The following PRIM2 variants were observed in gnomAD, a reference collection of about 807,000 sequenced individuals.
The protein encoded by PRIM2 is DNA primase large subunit.
Under a neutral mutation model 67.3 loss-of-function variants are expected in PRIM2, and 39 were observed. The observed-to-expected ratio is 0.58, with a 90% CI of 0.45 to 0.76. The LOEUF (loss-of-function observed/expected upper bound fraction) is 0.76. PRIM2 is among the 30% of genes least tolerant of loss of function. The pLI, the probability that PRIM2 is intolerant of heterozygous loss-of-function variation, is 0.00. For missense variants in PRIM2, 398 were observed against 598.7 expected (o/e 0.66, Z 3.50); for synonymous variants, 143 against 198.7 (o/e 0.72, Z 2.36).
chr6:57,262,782 C>G, the PRIM2 span, among the ~76,000 whole-genome samples: 3 of 152,150 alleles, frequency 2.0e-5, no homozygotes, highest in Non-Finnish European at 4.4e-5. Context: ...CACATGTAAA[C>G]AAAACAACTC....
chr6:57,279,845 G>A, the PRIM2 span, among the ~76,000 whole-genome samples: 5 of 152,180 alleles, frequency 3.3e-5, no homozygotes, highest in Admixed American at 1.3e-4. Flanking sequence ...AGAGGAGGCA[G>A]GGAAGTCCTG....
At chr6:57,540,331 C>T (rs1257419538) in intron 10 of PRIM2, among the ~76,000 whole-genome samples, 3 of 151,936 alleles carry the variant, frequency 2.0e-5, no homozygotes, top group African/African-American at 7.3e-5. Flanking sequence ...TGGAAGTTGA[C>T]AAGTCTCAAG....
At chr6:57,362,472 T>A (rs1483892620) in intron 5 of PRIM2, among the ~76,000 whole-genome samples, 2 of 151,906 alleles carry the variant, frequency 1.3e-5, no homozygotes, top group Non-Finnish European at 2.9e-5. Flanking sequence ...AAAGCCATAT[T>A]TTTTTTTGTA....
intron 13 of PRIM2, among the ~76,000 whole-genome samples, chr6:57,634,602 C>G (rs1296800656): frequency 6.6e-6 from 1 of 152,240 alleles, no homozygotes; most frequent in Non-Finnish European, 1.5e-5. Flanking sequence ...ATTAAGAGGC[C>G]TCAGAATTTT....
chr6:57,379,023 G>GTT (rs1769868538), intron 5 of PRIM2, among the ~76,000 whole-genome samples: 1 of 129,660 alleles, frequency 7.7e-6, no homozygotes, highest in Non-Finnish European at 1.6e-5. Context: ...AAATAAAATA[G>GTT]TTACAATCTG....
chr6:57,267,450 T>C, the PRIM2 span, among the ~76,000 whole-genome samples: 2 of 152,094 alleles, frequency 1.3e-5, no homozygotes, highest in Non-Finnish European at 2.9e-5. Context: ...GGCATCTCTT[T>C]GAGAGGCTGC....
the PRIM2 span, among the ~76,000 whole-genome samples, chr6:57,232,329 G>A: frequency 6.6e-6 from 1 of 152,194 alleles, no homozygotes; most frequent in Non-Finnish European, 1.5e-5. Flanking sequence ...GAAGCAGGCG[G>A]ATCATGAGGT....
chr6:57,330,361 G>GTTTTTTTTTTTTTTTTTTTTTTTTT (rs59599812), intron 5 of PRIM2, among the ~76,000 whole-genome samples: 1 of 110,398 alleles, frequency 9.1e-6, no homozygotes, highest in Non-Finnish European at 1.8e-5. Flanking sequence ...TTTTTTTTTT[G>GTTTTTTTTTTTTTTTTTTTTTTTTT]TTTTTGTTTT....
the PRIM2 span, among the ~76,000 whole-genome samples, chr6:57,247,259 A>G: frequency 6.6e-6 from 1 of 152,266 alleles, no homozygotes. Flanking sequence ...CTTCATTGCC[A>G]TAACATCTAG....
intron 10 of PRIM2, among the ~76,000 whole-genome samples, chr6:57,590,717 T>C (rs1368606361): frequency 6.6e-6 from 1 of 152,124 alleles, no homozygotes; most frequent in Non-Finnish European, 1.5e-5. Flanking sequence ...TAAAGAGGAA[T>C]ACAGAAATCC....
At chr6:57,320,153 T>G (rs1375958631) in intron 2 of PRIM2, among the ~76,000 whole-genome samples, 1 of 152,182 alleles carries the variant, frequency 6.6e-6, no homozygotes, top group African/African-American at 2.4e-5. Context: ...GTGCCTAGTT[T>G]TTTTTTCCAT....
the PRIM2 span, among the ~76,000 whole-genome samples, chr6:57,305,390 AG>A: frequency 6.6e-6 from 1 of 152,230 alleles, no homozygotes; most frequent in Admixed American, 6.5e-5. Context: ...GGTCTATGTC[AG>A]GGACTATGGT....
At chr6:57,380,952 C>G (rs1769940414) in intron 6 of PRIM2, among the ~76,000 whole-genome samples, 1 of 150,480 alleles carries the variant, frequency 6.6e-6, no homozygotes, top group African/African-American at 2.5e-5. Context: ...GATCTGGCTG[C>G]TGAGATTTAG....
intron 7 of PRIM2, among the ~76,000 whole-genome samples, chr6:57,486,584 A>G (rs1773757432): frequency 6.6e-6 from 1 of 152,222 alleles, no homozygotes; most frequent in South Asian, 2.1e-4. Context: ...GGGCGGATTG[A>G]ACTTCATGAG....
At chr6:57,458,619 A>G (rs1772889906) in intron 7 of PRIM2, among the ~76,000 whole-genome samples, 1 of 152,206 alleles carries the variant, frequency 6.6e-6, no homozygotes. Context: ...GGGGAGGCAG[A>G]AGTTGCAGTG....
chr6:57,589,745 G>T (rs1776254846), intron 10 of PRIM2, among the ~76,000 whole-genome samples: 1 of 152,158 alleles, frequency 6.6e-6, no homozygotes, highest in African/African-American at 2.4e-5. Context: ...CTTTGCCAGT[G>T]AGAAAGCAAG....
chr6:57,511,334 T>C (rs1554347694), intron 8 of PRIM2, among the ~76,000 whole-genome samples: 2 of 152,216 alleles, frequency 1.3e-5, no homozygotes, highest in Admixed American at 6.5e-5. Context: ...TCATTAGTAT[T>C]GTCCATTCAC....
chr6:57,238,761 C>T, the PRIM2 span, among the ~76,000 whole-genome samples: 2 of 152,122 alleles, frequency 1.3e-5, no homozygotes, highest in Non-Finnish European at 2.9e-5. Flanking sequence ...TTCAAAAAAT[C>T]AATGAATCCA....
intron 7 of PRIM2, among the ~76,000 whole-genome samples, chr6:57,457,279 G>T (rs1249086324): frequency 6.6e-6 from 1 of 152,194 alleles, no homozygotes; most frequent in African/African-American, 2.4e-5. Flanking sequence ...CAGATCTCCA[G>T]CTGCGTGCTG....
Sources: allele counts gnomAD v4.1 joint callset (sites outside exome capture counted in the v4.1 genomes callset), GRCh38; gene constraint gnomAD v4.1.1; transcripts MANE v1.5; gene names NCBI Gene and HGNC (gene_info 2026-07-23, HGNC 2026-07-21).